Variants in MROH9 observed in about 807,000 individuals in gnomAD.
MROH9 encodes maestro heat-like repeat-containing protein family member 9.
MROH9 carries 92 observed loss-of-function variants against 98.2 expected under a neutral mutation model. That is an observed-to-expected ratio of 0.94 (90% CI 0.79 to 1.11). The LOEUF is 1.11. Ranked by LOEUF, MROH9 falls within the 50% of genes most tolerant of loss-of-function variation. The pLI is 0.00. For missense variants in MROH9, 1,057 were observed against 1,014.8 expected (o/e 1.04, Z -0.57); for synonymous variants, 397 against 368.9 (o/e 1.08, Z -0.87).
Position 170,961,971 on chromosome 1 carries a change from T to G in MROH9, c.370T>G (p.Leu124Val). 1 of 1,507,988 alleles carries G rather than the reference T, an allele frequency of 6.6e-7. No individual in the cohort carries two copies. The highest frequency in any genetic ancestry group is 9.0e-7 in the Non-Finnish European group (1 of 1,111,182). 93.4% of individuals were successfully genotyped at this position (1,507,988 alleles called of 1,614,324 possible). A position where few individuals can be genotyped will look rare whatever the true frequency, so the allele number is the denominator to read the frequency against. Residue 124 changes from leucine to valine, a missense_variant, in exon 6 of 22, where the codon TTA (leucine) becomes GTA (valine). By Grantham distance (32) the Leu-to-Val change is conservative. Coordinates refer to ENST00000367759, the MANE Select transcript of MROH9 (RefSeq NM_001163629.2). ...TAAAGACCTCTACAAACTACAGATC[T>G]TAAAGGTAAAGAGGAAATAAGTAGT... ...VSKDLYKLQI[L>V]KEMLVWMSKD...
Position 171,057,964 on chromosome 1 carries a change from T to C in MROH9, c.2282-4168T>C, listed in dbSNP as rs557727570. ...GCCTGCCCGAAAGAAGCACTAAATA[T>C]GGGGGGAAAAAAACACCAAAATATA... On this transcript the variant is annotated intron_variant, in intron 20 of 21. Coordinates refer to ENST00000367759, the MANE Select transcript of MROH9 (RefSeq NM_001163629.2). Among the ~76,000 whole-genome samples the C allele has an allele frequency of 5.8e-4, 87 of 148,868 alleles. 1 individual carries two copies. The highest frequency in any genetic ancestry group is 9.7e-4 in the Non-Finnish European group (65 of 66,834).
chr1:170,977,766 A>G (rs1170600081), intron 8 of MROH9, among the ~76,000 whole-genome samples: 2 of 152,204 alleles, frequency 1.3e-5, no homozygotes, highest in Non-Finnish European at 2.9e-5. Context: ...GCAGCAGAGA[A>G]AGGGACCTCA....
intron 1 of MROH9, among the ~76,000 whole-genome samples, chr1:170,942,094 A>T (rs1430328439): frequency 6.6e-6 from 1 of 152,106 alleles, no homozygotes; most frequent in African/African-American, 2.4e-5. Flanking sequence ...TTCCACTGTT[A>T]TCCTACAGCT....
chr1:170,972,839 C>T (rs28502664), intron 8 of MROH9, among the ~76,000 whole-genome samples: 1 of 137,790 alleles, frequency 7.3e-6, no homozygotes, highest in South Asian at 2.3e-4. Flanking sequence ...TACACACACA[C>T]ACACACACAC....
intron 10 of MROH9, among the ~76,000 whole-genome samples, chr1:170,988,840 A>G (rs778923799): frequency 8.5e-5 from 13 of 152,182 alleles, no homozygotes; most frequent in Non-Finnish European, 1.2e-4. Context: ...AAATTTCTAT[A>G]ATTAAGCACC....
chr1:170,991,406 G>C (rs1002041035), intron 11 of MROH9, among the ~76,000 whole-genome samples: 2 of 152,080 alleles, frequency 1.3e-5, no homozygotes, highest in African/African-American at 4.8e-5. Flanking sequence ...CTACAGAGCT[G>C]GGTATTTCCA....
rs1171522185 is a variant in MROH9 at position 171,064,411 on chromosome 1, G to A, written c.*71G>A. ...CAACAATGTCTTGGAGCTGACCTTA[G>A]AAGAAGAATGATTTTTCTTTCCCTC... On this transcript the variant is annotated 3_prime_UTR_variant, in exon 22 of 22. Coordinates refer to ENST00000367759, the MANE Select transcript of MROH9 (RefSeq NM_001163629.2). 7.1e-7 allele frequency: 1 copy of A among 1,400,004 alleles called. No homozygotes were observed. The highest frequency in any genetic ancestry group is 9.4e-7 in the Non-Finnish European group (1 of 1,064,594). The allele number at this position is 1,400,004 out of a possible 1,614,324, so 86.7% of individuals were successfully genotyped here. A position where few individuals can be genotyped will look rare whatever the true frequency, so the allele number is the denominator to read the frequency against.
chr1:170,985,415 C>A (rs1374439062), intron 9 of MROH9, among the ~76,000 whole-genome samples: 1 of 152,084 alleles, frequency 6.6e-6, no homozygotes, highest in African/African-American at 2.4e-5. Flanking sequence ...TCTGAAGAAC[C>A]CAGCTGATCC....
At chr1:171,035,928 T>G (rs940791716) in intron 20 of MROH9, among the ~76,000 whole-genome samples, 9 of 152,134 alleles carry the variant, frequency 5.9e-5, no homozygotes, top group Admixed American at 2.6e-4. Flanking sequence ...CAGAAATACA[T>G]ACATGTGTTC....
chr1:170,973,308 A>C (rs1650547124), intron 8 of MROH9, among the ~76,000 whole-genome samples: 1 of 152,168 alleles, frequency 6.6e-6, no homozygotes, highest in South Asian at 2.1e-4. Context: ...GCTAGTGATA[A>C]TGCCTGTGCC....
intron 1 of MROH9, among the ~76,000 whole-genome samples, chr1:170,944,705 A>G (rs1475696395): frequency 6.6e-6 from 1 of 152,102 alleles, no homozygotes; most frequent in Non-Finnish European, 1.5e-5. Flanking sequence ...AATGCATCAC[A>G]TTATGAAAAA....
intron 8 of MROH9, among the ~76,000 whole-genome samples, chr1:170,977,958 T>C (rs1650778890): frequency 6.6e-6 from 1 of 152,204 alleles, no homozygotes; most frequent in African/African-American, 2.4e-5. Context: ...GGAGACAGAC[T>C]GGCCCCCTTT....
intron 17 of MROH9, among the ~76,000 whole-genome samples, chr1:171,022,368 C>T (rs1267798648): frequency 6.6e-6 from 1 of 152,068 alleles, no homozygotes; most frequent in African/African-American, 2.4e-5. Context: ...CAATGTTAGA[C>T]TGGATAAAGA....
intron 20 of MROH9, among the ~76,000 whole-genome samples, chr1:171,033,286 G>T (rs1652986239): frequency 6.6e-6 from 1 of 152,260 alleles, no homozygotes; most frequent in South Asian, 2.1e-4. Context: ...GGCAGCTGGC[G>T]CTGGTCGCCC....
In MROH9 at chr1:170,992,094, T is replaced by G. The variant is rs949182048; in HGVS notation, c.1029-70T>G. ...GTAAAACCAAGACTATTTTCCTGAT[T>G]CTTGTTATTCTATCAAGTAGGACAT... On this transcript the variant is annotated intron_variant, in intron 11 of 21. Coordinates refer to ENST00000367759, the MANE Select transcript of MROH9 (RefSeq NM_001163629.2). 29 of 1,433,362 alleles carry G rather than the reference T, an allele frequency of 2.0e-5. No individual in the cohort carries two copies. In the East Asian group the frequency reaches 6.3e-4, roughly 31 times the overall value. 88.8% of individuals were successfully genotyped at this position (1,433,362 alleles called of 1,614,324 possible). A position where few individuals can be genotyped will look rare whatever the true frequency, so the allele number is the denominator to read the frequency against.
chr1:170,954,977 T>G (rs1166262589), intron 3 of MROH9, among the ~76,000 whole-genome samples: 1 of 151,994 alleles, frequency 6.6e-6, no homozygotes, highest in Admixed American at 6.6e-5. Flanking sequence ...CACTCTTTCC[T>G]CCAAGTCCCC....
chr1:170,945,740 G>C (rs1255010365), intron 2 of MROH9, among the ~76,000 whole-genome samples, 159 bp downstream of exon 2: 1 of 151,946 alleles, frequency 6.6e-6, no homozygotes, highest in Non-Finnish European at 1.5e-5. Flanking sequence ...GTTCACAAAA[G>C]TAACCATATA....
rs1341273296 is a variant in MROH9, at chr1:170,983,462, C to A, written c.657C>A (p.Ser219Arg). The A allele has an allele frequency of 3.1e-6, 5 of 1,613,114 alleles. No homozygotes were observed. Among genetic ancestry groups the A allele is most frequent in the East Asian group, 2.2e-5 (1 of 44,772 alleles). The change falls in exon 9 of 22, where the codon AGC (serine) becomes AGA (arginine). Residue 219 changes from serine (S) to arginine (R), a missense_variant. By Grantham distance (110) the Ser-to-Arg change is moderately radical (BLOSUM62 -1). Coordinates refer to ENST00000367759, the MANE Select transcript of MROH9 (RefSeq NM_001163629.2). Reference sequence around the variant, plus strand: ...AGCCTACAAACGGTAAAAGTCATAGCCTCCAGTTTCCTTCTTCTGATGTAG... The same window carrying A: ...AGCCTACAAACGGTAAAAGTCATAGACTCCAGTTTCCTTCTTCTGATGTAG... ...TNKPTNGKSH[S>R]LQFPSSDVEF...
Position 170,995,758 on chromosome 1 carries a change from G to A in MROH9, c.1337+227G>A, listed in dbSNP as rs73038208. 7.0e-3 allele frequency among the ~76,000 whole-genome samples: 1,062 copies of A among 152,146 alleles called. 15 individuals carry two copies. The highest frequency in any genetic ancestry group is 0.024 in the African/African-American group (992 of 41,508). On this transcript the variant is annotated intron_variant, in intron 13 of 21. Coordinates refer to ENST00000367759, the MANE Select transcript of MROH9 (RefSeq NM_001163629.2). ...GAGCATGTGTAGTATATAAAGAGCC[G>A]TGACCACAGAACTCTGTTGATTCCT...
Sources: gnomAD v4.1 joint callset for allele counts (sites outside exome capture counted in the v4.1 genomes callset) on GRCh38, gnomAD v4.1.1 for gene constraint, MANE v1.5 for transcripts, NCBI Gene and HGNC (gene_info 2026-07-23, HGNC 2026-07-21) for gene names.